Variants in TENM3 observed in about 807,000 individuals in gnomAD.
TENM3 encodes the protein teneurin transmembrane protein 3.
In TENM3, 63 loss-of-function variants were observed where a neutral mutation model predicts 255.1. The observed-to-expected ratio is 0.25, with a 90% confidence interval of 0.20 to 0.30. TENM3 has a LOEUF of 0.30. TENM3 is among the 10% of genes least tolerant of loss of function. The pLI is 1.00. For missense variants in TENM3, 2,929 were observed against 3,461.1 expected, an observed-to-expected ratio of 0.85 and a Z score of 3.86; for synonymous variants, 1,306 against 1,322.3, an observed-to-expected ratio of 0.99 and a Z score of 0.27.
Position 182,793,829 on chromosome 4 carries a change from T to C in TENM3, c.7157T>C (p.Met2386Thr). ...GKDPAPFNLY[M>T]FRNNNPASKI... The stretch of plus-strand genomic sequence containing the variant: ...GACCCAGCTCCTTTTAACTTGTACA[T>C]GTTTAGGAATAACAACCCTGCAAGC... The change falls in exon 26 of 28, where the codon ATG (methionine) becomes ACG (threonine). Residue 2386 changes from methionine (M) to threonine (T), a missense_variant. By Grantham distance (81) the Met-to-Thr change is moderately conservative. Transcript: ENST00000511685. This position sits in a 1 kb window ranked among gnomAD's most constrained non-coding sequence, Gnocchi z 5.7. The C allele has an allele frequency of 6.2e-7, 1 of 1,613,576 alleles. No individual in the cohort carries two copies. The highest frequency in any genetic ancestry group is 8.5e-7 in the Non-Finnish European group (1 of 1,179,708).
At chr4:181,534,254 A>G in the TENM3 span, among the ~76,000 whole-genome samples, 2 of 150,224 alleles carry the variant, frequency 1.3e-5, no homozygotes, top group African/African-American at 4.9e-5. Flanking sequence ...AAAAAAAACA[A>G]TTGCATTCAG....
At chr4:182,457,533 A>G (rs908520830) in intron 3 of TENM3, among the ~76,000 whole-genome samples, 7 of 150,896 alleles carry the variant, frequency 4.6e-5, no homozygotes, top group African/African-American at 7.3e-5. Flanking sequence ...GAACCCAGAC[A>G]TGCAAATACC....
At chr4:182,301,223 A>G (rs1259329245) in intron 1 of TENM3, among the ~76,000 whole-genome samples, 3 of 152,142 alleles carry the variant, frequency 2.0e-5, no homozygotes, top group Non-Finnish European at 4.4e-5. Flanking sequence ...ATGCCAACCA[A>G]AGCTTACACT....
the TENM3 span, among the ~76,000 whole-genome samples, chr4:182,124,565 G>A: frequency 2.0e-5 from 3 of 152,186 alleles, no homozygotes; most frequent in Admixed American, 1.3e-4. Context: ...GAGCCCTGGG[G>A]CAACATTAAA....
chr4:182,206,297 G>A lies in TENM3; in HGVS notation c.-76+61543G>A, dbSNP rs1464082192. On this transcript the variant is annotated intron_variant, in intron 1 of 2. Transcript: ENST00000512480. ...TTGTCAGATTTGTTTTCCTGTTTTGGGGATGATTGCTTTCCCCACAGAGCC... is the reference window on the plus strand; with the variant it reads ...TTGTCAGATTTGTTTTCCTGTTTTGAGGATGATTGCTTTCCCCACAGAGCC... 2.0e-5 allele frequency among the ~76,000 whole-genome samples: 3 copies of A among 152,116 alleles called. No homozygotes were observed. In the East Asian group the frequency reaches 5.8e-4, roughly 29 times the overall value.
At chr4:181,925,547 G>A in the TENM3 span, among the ~76,000 whole-genome samples, 1 of 152,122 alleles carries the variant, frequency 6.6e-6, no homozygotes, top group South Asian at 2.1e-4. Context: ...AAGGAGAACA[G>A]GATAATTAAC....
At chr4:181,806,787 T>C in the TENM3 span, among the ~76,000 whole-genome samples, 3 of 152,268 alleles carry the variant, frequency 2.0e-5, no homozygotes, top group African/African-American at 7.2e-5. Flanking sequence ...CAAAACAGAC[T>C]AAGATACCAC....
chr4:181,680,412 T>A, the TENM3 span, among the ~76,000 whole-genome samples: 1 of 152,140 alleles, frequency 6.6e-6, no homozygotes, highest in East Asian at 1.9e-4. Context: ...TAAGCTGAGA[T>A]TTGATTGGAT....
At chr4:182,342,101 A>T (rs1267065177) in intron 2 of TENM3, among the ~76,000 whole-genome samples, 1 of 152,232 alleles carries the variant, frequency 6.6e-6, no homozygotes. Context: ...GGTTCAATAC[A>T]GAGTTACCAT....
At chr4:181,633,762 A>G in the TENM3 span, among the ~76,000 whole-genome samples, 1 of 152,180 alleles carries the variant, frequency 6.6e-6, no homozygotes, top group Non-Finnish European at 1.5e-5. Flanking sequence ...GGTTTTGGGA[A>G]TTTATGCCTG....
At chr4:182,401,274 A>G (rs957041526) in intron 3 of TENM3, among the ~76,000 whole-genome samples, 1 of 152,176 alleles carries the variant, frequency 6.6e-6, no homozygotes, top group African/African-American at 2.4e-5. Flanking sequence ...ACAAATTTAT[A>G]TCTCTGTTAT....
At chr4:182,726,974 A>G (rs1326005129) in intron 13 of TENM3, among the ~76,000 whole-genome samples, 1 of 152,216 alleles carries the variant, frequency 6.6e-6, no homozygotes, top group African/African-American at 2.4e-5. Flanking sequence ...AATTGTATAA[A>G]TAAAACATAA....
intron 12 of TENM3, among the ~76,000 whole-genome samples, chr4:182,711,910 T>A (rs374246648): frequency 2.6e-5 from 4 of 152,110 alleles, no homozygotes; most frequent in East Asian, 1.9e-4. Context: ...TTCTTTTTTT[T>A]AAGATCTTCA....
the TENM3 span, among the ~76,000 whole-genome samples, chr4:181,936,471 TTG>T: frequency 6.6e-6 from 1 of 151,988 alleles, no homozygotes; most frequent in South Asian, 2.1e-4. Flanking sequence ...TTTGTAGAAA[TTG>T]TGAGTCATCT....
chr4:181,530,353 A>G, the TENM3 span, among the ~76,000 whole-genome samples: 1 of 152,248 alleles, frequency 6.6e-6, no homozygotes, highest in Non-Finnish European at 1.5e-5. Flanking sequence ...TCTCATTAGT[A>G]GCCATCAGCG....
At chr4:182,781,525 T>C (rs1189996033) in intron 24 of TENM3, among the ~76,000 whole-genome samples, 1 of 152,180 alleles carries the variant, frequency 6.6e-6, no homozygotes, top group Admixed American at 6.5e-5. Flanking sequence ...TCTTTTTTGT[T>C]GTGTCTCTGC....
chr4:182,664,153 G>A (rs1190140971), intron 6 of TENM3, among the ~76,000 whole-genome samples: 1 of 152,088 alleles, frequency 6.6e-6, no homozygotes, highest in Non-Finnish European at 1.5e-5. Context: ...GAATGTTTGT[G>A]GCAGCCCTGC....
intron 1 of TENM3, among the ~76,000 whole-genome samples, chr4:182,289,537 A>G (rs770525358): frequency 1.3e-5 from 2 of 152,248 alleles, no homozygotes; most frequent in Non-Finnish European, 2.9e-5. Flanking sequence ...ATGTTATCCA[A>G]TAAATCTTTA....
At chr4:182,021,888 AT>A in the TENM3 span, among the ~76,000 whole-genome samples, 2 of 152,354 alleles carry the variant, frequency 1.3e-5, no homozygotes, top group South Asian at 4.1e-4. Flanking sequence ...AAGTCAAAAA[AT>A]AACATATACT....
Sources: allele counts gnomAD v4.1 joint callset (sites outside exome capture counted in the v4.1 genomes callset), GRCh38; gene constraint gnomAD v4.1.1; non-coding constraint Gnocchi (gnomAD v3.1); transcripts MANE v1.5; gene names NCBI Gene and HGNC (gene_info 2026-07-23, HGNC 2026-07-21).